Variants in NBPF8 observed in about 807,000 individuals in gnomAD.
NBPF8 encodes the protein NBPF member 8, also known as NBPF family member NBPF8.
chr1:120,464,121 CTCTCTCTCTCTCTGTGTGTG>C (rs1661666102), intron 22 of NBPF8, among the ~76,000 whole-genome samples: 4 of 38,176 alleles, frequency 1.0e-4, no homozygotes, highest in African/African-American at 8.6e-4. Flanking sequence ...CTCGTTCTCT[CTCTCTCTCTCTCTGTGTGTG>C]TGTGTGTGTG....
chr1:120,419,472 A>T (rs1205904083), upstream of NBPF8, among the ~76,000 whole-genome samples: 1 of 151,884 alleles, frequency 6.6e-6, no homozygotes, highest in Non-Finnish European at 1.5e-5. Context: ...CTACTCAAGT[A>T]TTTAGTCAGG....
upstream of NBPF8, chr1:120,432,959 A>G (rs1222187785): frequency 2.0e-5 from 3 of 152,132 alleles, no homozygotes; most frequent in African/African-American, 7.2e-5. Flanking sequence ...CAGCTAGAAA[A>G]TGAAATTCAA....
intron 15 of NBPF8, 139 bp from the exon 14 acceptor site, chr1:120,455,270 C>A (rs1194036724): frequency 1.1e-5 from 7 of 629,064 alleles, no homozygotes; most frequent in African/African-American, 7.4e-5. Context: ...TAATCTAGGA[C>A]AACCTAGAAT....
At chr1:120,453,511 C>A (rs1661343419) in intron 14 of NBPF8, 67 bp downstream of exon 12, 5 of 1,123,724 alleles carry the variant, frequency 4.4e-6, no homozygotes, top group Non-Finnish European at 6.6e-6. Flanking sequence ...GAGGCACACC[C>A]TCTCTGGCAT....
upstream of NBPF8, among the ~76,000 whole-genome samples, chr1:120,415,243 G>A (rs1660397445): frequency 1.3e-5 from 2 of 152,224 alleles, no homozygotes; most frequent in Non-Finnish European, 2.9e-5. Flanking sequence ...GGGAAGTTAC[G>A]GTTTACAGCG....
intron 1 of NBPF8, among the ~76,000 whole-genome samples, chr1:120,420,668 C>T (rs1161000809): frequency 6.9e-6 from 1 of 145,576 alleles, no homozygotes; most frequent in Non-Finnish European, 1.5e-5. Context: ...CTTTTGAAGG[C>T]CGTTCCCATC....
chr1:120,460,185 C>T (rs1304826369), intron 17 of NBPF8, among the ~76,000 whole-genome samples: 3 of 152,230 alleles, frequency 2.0e-5, no homozygotes, highest in Non-Finnish European at 2.9e-5. Flanking sequence ...CTCATCAAAT[C>T]TCTGTGTCCA....
intron 13 of NBPF8, among the ~76,000 whole-genome samples, chr1:120,452,740 G>A (rs1553249108): frequency 7.2e-5 from 11 of 152,166 alleles, no homozygotes; most frequent in South Asian, 2.1e-4. Context: ...CTCTCTCTCC[G>A]TGGCAGACAA....
intron 12 of NBPF8, 40 bp from the exon 11 acceptor site, chr1:120,452,077 C>T: frequency 7.0e-7 from 1 of 1,435,486 alleles, no homozygotes; most frequent in Admixed American, 1.7e-5. Flanking sequence ...GATCACTCAA[C>T]CCTTTCCACT....
At chr1:120,419,402 G>A (rs1229239358), upstream of NBPF8, among the ~76,000 whole-genome samples, 1 of 152,046 alleles carries the variant, frequency 6.6e-6, no homozygotes, top group African/African-American at 2.4e-5. Context: ...CTAACAGAAA[G>A]AATCGAATTC....
At chr1:120,457,791 T>G (rs1661485529) in intron 16 of NBPF8, among the ~76,000 whole-genome samples, 1 of 50,820 alleles carries the variant, frequency 2.0e-5, no homozygotes, top group Admixed American at 1.8e-4. Context: ...ACTATACATA[T>G]GGAAAAAAAA....
intron 17 of NBPF8, among the ~76,000 whole-genome samples, chr1:120,460,319 G>A (rs1553250106): frequency 2.0e-5 from 3 of 152,136 alleles, no homozygotes; most frequent in African/African-American, 7.2e-5. Flanking sequence ...GCTCATTTGT[G>A]TACATAAACC....
intron 17 of NBPF8, among the ~76,000 whole-genome samples, 188 bp downstream of exon 15, chr1:120,459,718 C>T (rs1235310132): frequency 6.6e-6 from 1 of 152,056 alleles, no homozygotes; most frequent in Non-Finnish European, 1.5e-5. Flanking sequence ...GGTCAGTGAG[C>T]TTTGCTCTCT....
chr1:120,433,151 C>A (rs1358357741), upstream of NBPF8: 25 of 152,138 alleles, frequency 1.6e-4, no homozygotes, highest in Non-Finnish European at 2.6e-4. Flanking sequence ...CACAATTCTG[C>A]TTAATATTTC....
chr1:120,451,535 AAATT>A (rs1661270532), intron 12 of NBPF8, among the ~76,000 whole-genome samples: 1 of 133,666 alleles, frequency 7.5e-6, no homozygotes, highest in Non-Finnish European at 1.6e-5. Flanking sequence ...ACATAACACA[AAATT>A]AACCAAAGGA....
intron 1 of NBPF8, among the ~76,000 whole-genome samples, chr1:120,422,117 G>T (rs1199892768): frequency 6.6e-6 from 1 of 152,198 alleles, no homozygotes; most frequent in Non-Finnish European, 1.5e-5. Flanking sequence ...ACAGAAAAAT[G>T]GAGTGGATAG....
chr1:120,421,273 C>T (rs1283431995), intron 1 of NBPF8, among the ~76,000 whole-genome samples: 2 of 152,156 alleles, frequency 1.3e-5, no homozygotes, highest in African/African-American at 4.8e-5. Context: ...AACTAGTTAG[C>T]GTGTTCCTGT....
At chr1:120,431,527 A>C (rs1242179598), upstream of NBPF8, among the ~76,000 whole-genome samples, 10 of 151,858 alleles carry the variant, frequency 6.6e-5, no homozygotes, top group Middle Eastern at 3.4e-3. Context: ...TTAGCATAGG[A>C]AAAGATGCTC....
At chr1:120,434,629 A>G (rs1409230681), upstream of NBPF8, among the ~76,000 whole-genome samples, 2 of 151,826 alleles carry the variant, frequency 1.3e-5, no homozygotes, top group African/African-American at 4.8e-5. Context: ...AAATGTTTTA[A>G]AAACAGACAC....
Sources: gnomAD v4.1 joint callset for allele counts (sites outside exome capture counted in the v4.1 genomes callset) on GRCh38, gnomAD v4.1.1 for gene constraint, MANE v1.5 for transcripts, NCBI Gene and HGNC (gene_info 2026-07-23, HGNC 2026-07-21) for gene names.